Variants in CENPK observed in about 807,000 individuals in gnomAD.
CENPK encodes SoxLZ/Sox6-binding protein Solt.
CENPK carries 46 observed loss-of-function variants against 40.9 expected under a neutral mutation model. The observed-to-expected ratio is 1.13, with a 90% CI of 0.89 to 1.44. The LOEUF is 1.44. CENPK is among the 40% of genes most tolerant of loss of function. The probability of loss-of-function intolerance (pLI) is 0.00; values close to 1 mark genes in which losing one functional copy is unlikely to be tolerated. For missense variants in CENPK, 288 were observed against 303.5 expected, an observed-to-expected ratio of 0.95 and a Z score of 0.38; for synonymous variants, 107 against 104.4, an observed-to-expected ratio of 1.02 and a Z score of -0.15.
chr5:65,524,787 T>A (rs1216371231), intron 9 of CENPK: 2 of 153,158 alleles, frequency 1.3e-5, no homozygotes, highest in African/African-American at 4.8e-5. Context: ...AAGTTCTGAA[T>A]AAAATATAAC....
chr5:65,507,382 T>C, the CENPK span, among the ~76,000 whole-genome samples: 1 of 152,326 alleles, frequency 6.6e-6, no homozygotes, highest in Non-Finnish European at 1.5e-5. Flanking sequence ...CACAGCTATA[T>C]AGAGAAGAGT....
At chr5:65,515,904 T>C (rs1742819800), downstream of CENPK, among the ~76,000 whole-genome samples, 1 of 152,166 alleles carries the variant, frequency 6.6e-6, no homozygotes, top group African/African-American at 2.4e-5. Flanking sequence ...TTTCTCAAAT[T>C]TCTGAAGACG....
At chr5:65,549,615 A>G (rs1749620682) in intron 5 of CENPK, among the ~76,000 whole-genome samples, 1 of 152,136 alleles carries the variant, frequency 6.6e-6, no homozygotes, top group Non-Finnish European at 1.5e-5. Flanking sequence ...CTGCCTCAGT[A>G]CTTGCTGCTT....
At chr5:65,540,878 G>A (rs564468403) in intron 6 of CENPK, among the ~76,000 whole-genome samples, 1 of 151,220 alleles carries the variant, frequency 6.6e-6, no homozygotes, top group Non-Finnish European at 1.5e-5. Context: ...CGCGATCATG[G>A]CTCACTGCAG....
the CENPK span, among the ~76,000 whole-genome samples, chr5:65,505,541 T>C: frequency 6.6e-6 from 1 of 152,222 alleles, no homozygotes; most frequent in Admixed American, 6.5e-5. Context: ...CTTGGGAGGC[T>C]GAGGTGGAAG....
At chr5:65,538,517 C>T (rs907491071) in intron 6 of CENPK, among the ~76,000 whole-genome samples, 25 of 152,094 alleles carry the variant, frequency 1.6e-4, no homozygotes, top group African/African-American at 6.0e-4. Context: ...TCTCTTCTCA[C>T]TTTTACTATA....
At chr5:65,562,155 T>C (rs1019231362) in intron 1 of CENPK, among the ~76,000 whole-genome samples, 6 of 152,076 alleles carry the variant, frequency 3.9e-5, no homozygotes, top group African/African-American at 9.7e-5. Context: ...GCTACATTAT[T>C]ATTATCATTA....
chr5:65,545,301 CAAAGAA>C (rs1291720355), intron 5 of CENPK, among the ~76,000 whole-genome samples: 1 of 147,062 alleles, frequency 6.8e-6, no homozygotes, highest in African/African-American at 2.5e-5. Context: ...AGGCTGAAGA[CAAAGAA>C]AAAGTCCTCA....
intron 4 of CENPK, 52 bp from the exon 5 acceptor site, chr5:65,551,688 A>G: frequency 1.0e-6 from 1 of 960,946 alleles, no homozygotes; most frequent in East Asian, 2.7e-5. Context: ...ATACCTATTC[A>G]TAGATGAAAA....
At chr5:65,551,735 G>T (rs1386067966) in intron 4 of CENPK, 99 bp from the exon 5 acceptor site, 4 of 572,788 alleles carry the variant, frequency 7.0e-6, no homozygotes, top group African/African-American at 5.9e-5. Flanking sequence ...TTTGCAGGGG[G>T]GTGGCATCCC....
At chr5:65,559,490 G>A (rs1351942006) in intron 2 of CENPK, among the ~76,000 whole-genome samples, 1 of 151,022 alleles carries the variant, frequency 6.6e-6, no homozygotes, top group Non-Finnish European at 1.5e-5. Context: ...TTAGCCGGGC[G>A]TAGTGGCGGG....
At chr5:65,527,580 CAAT>C (rs1744956637) in intron 9 of CENPK, among the ~76,000 whole-genome samples, 1 of 132,660 alleles carries the variant, frequency 7.5e-6, no homozygotes, top group Non-Finnish European at 1.6e-5. Context: ...TTCTGCCACT[CAAT>C]AAAATATTTA....
downstream of CENPK, among the ~76,000 whole-genome samples, chr5:65,514,221 T>A (rs976041800): frequency 7.1e-6 from 1 of 139,952 alleles, no homozygotes; most frequent in African/African-American, 2.6e-5. Flanking sequence ...AATGCTGGCC[T>A]CACATAATCT....
At chr5:65,560,396 G>A (rs1751759360) in intron 2 of CENPK, among the ~76,000 whole-genome samples, 1 of 152,092 alleles carries the variant, frequency 6.6e-6, no homozygotes, top group African/African-American at 2.4e-5. Flanking sequence ...AAAGGGTTGT[G>A]GCTGGGATGG....
In CENPK at chr5:65,536,632, AT is replaced by A. The variant is rs1261651767; in HGVS notation, c.288+6169del. ...AGTAATAACCTGTTTCAAAGAAAAA[AT>A]ATATATATATGTAGGGATTGGGGGG... On this transcript the variant is annotated intron_variant, in intron 6 of 10. Coordinates refer to ENST00000396679, the MANE Select transcript of CENPK (RefSeq NM_022145.5). 2.6e-4 allele frequency among the ~76,000 whole-genome samples: 35 copies of A among 135,274 alleles called. No individual in the cohort carries two copies. In the East Asian group the frequency reaches 4.9e-3, roughly 19 times the overall value. 88.7% of individuals were successfully genotyped at this position (135,274 alleles called of 152,430 possible). A position where few individuals can be genotyped will look rare whatever the true frequency, so the allele number is the denominator to read the frequency against.
At chr5:65,557,902 A>C (rs1751259884) in intron 2 of CENPK, among the ~76,000 whole-genome samples, 1 of 152,218 alleles carries the variant, frequency 6.6e-6, no homozygotes. Flanking sequence ...GAAAGAATGG[A>C]AGGCAAGGAA....
At chr5:65,498,185 T>C in the CENPK span, among the ~76,000 whole-genome samples, 1 of 152,044 alleles carries the variant, frequency 6.6e-6, no homozygotes, top group Non-Finnish European at 1.5e-5. Context: ...TAAAATATCT[T>C]TAATAATTTC....
chr5:65,558,670 T>C (rs1751395678), intron 2 of CENPK, among the ~76,000 whole-genome samples: 1 of 152,208 alleles, frequency 6.6e-6, no homozygotes, highest in African/African-American at 2.4e-5. Context: ...CTGAGATTAG[T>C]ATCATGAGTT....
chr5:65,509,149 T>C, the CENPK span, among the ~76,000 whole-genome samples: 1 of 152,236 alleles, frequency 6.6e-6, no homozygotes, highest in Non-Finnish European at 1.5e-5. Flanking sequence ...CTGAATCATC[T>C]TGTCTTGGCG....
Sources: allele counts gnomAD v4.1 joint callset (sites outside exome capture counted in the v4.1 genomes callset), GRCh38; gene constraint gnomAD v4.1.1; transcripts MANE v1.5; gene names NCBI Gene and HGNC (gene_info 2026-07-23, HGNC 2026-07-21).